The following FYB1 variants were observed in gnomAD, a reference collection of about 807,000 sequenced individuals.
The protein encoded by FYB1 is FYN-binding protein 1.
In FYB1, 41 loss-of-function variants were observed where a neutral mutation model predicts 94.1. The ratio of observed to expected loss-of-function variants is 0.44; its 90% CI spans 0.34 to 0.57. The LOEUF is 0.57. Among genes scored for constraint, FYB1 ranks in the 20% least tolerant of loss-of-function variants. The pLI is 0.02. For missense variants in FYB1, 1,050 were observed against 976.8 expected, an observed-to-expected ratio of 1.07 and a Z score of -1.00; for synonymous variants, 367 against 353.2, an observed-to-expected ratio of 1.04 and a Z score of -0.44.
chr5:39,106,844 A>T lies in FYB1; in HGVS notation c.*599T>A, dbSNP rs1760406799. 6.6e-6 allele frequency: 1 copy of T among 152,130 alleles called. No homozygotes were observed. The highest frequency in any genetic ancestry group is 2.1e-4 in the South Asian group (1 of 4,838). 9.4% of individuals were successfully genotyped at this position (152,130 alleles called of 1,614,324 possible). On this transcript the variant is annotated 3_prime_UTR_variant, in exon 19 of 19. Coordinates refer to ENST00000512982, the MANE Select transcript of FYB1 (RefSeq NM_001465.6). ...TTCGTATCAAATAATTAACATTTATATACAATTAACAAATAAGGACAAATT... is the reference window on the plus strand; with the variant it reads ...TTCGTATCAAATAATTAACATTTATTTACAATTAACAAATAAGGACAAATT...
At chr5:39,115,503 G>C (rs1739482263) in intron 16 of FYB1, among the ~76,000 whole-genome samples, 1 of 152,120 alleles carries the variant, frequency 6.6e-6, no homozygotes, top group East Asian at 1.9e-4. Flanking sequence ...ATGATAAAGA[G>C]TTTTATGTGC....
intron 1 of FYB1, among the ~76,000 whole-genome samples, chr5:39,264,994 G>T (rs549434462): frequency 6.6e-6 from 1 of 152,152 alleles, no homozygotes; most frequent in African/African-American, 2.4e-5. Flanking sequence ...TTCTCCAAGC[G>T]TGGGCCCTGG....
chr5:39,197,972 C>G (rs956628254), intron 2 of FYB1, among the ~76,000 whole-genome samples: 1 of 152,002 alleles, frequency 6.6e-6, no homozygotes, highest in African/African-American at 2.4e-5. Context: ...TTTCATGATT[C>G]CTAGAATAAT....
At chr5:39,113,364 C>A (rs1383520288) in intron 16 of FYB1, among the ~76,000 whole-genome samples, 3 of 152,032 alleles carry the variant, frequency 2.0e-5, no homozygotes, top group Non-Finnish European at 4.4e-5. Flanking sequence ...GCGGTCACAC[C>A]AGGGATTCTC....
At chr5:39,137,445 T>C (rs1051720670) in intron 7 of FYB1, 155 bp downstream of exon 7, 5 of 782,654 alleles carry the variant, frequency 6.4e-6, no homozygotes, top group African/African-American at 5.4e-5. Context: ...AAATGGTGTA[T>C]TGGACAAAAA....
At chr5:39,131,842 A>G (rs1489485235) in intron 9 of FYB1, among the ~76,000 whole-genome samples, 2 of 152,172 alleles carry the variant, frequency 1.3e-5, no homozygotes, top group African/African-American at 4.8e-5. Flanking sequence ...TGGAATAAGG[A>G]GCAAAGCTCC....
At chr5:39,231,087 CA>C (rs2150570885) in intron 1 of FYB1, among the ~76,000 whole-genome samples, 1 of 136,106 alleles carries the variant, frequency 7.3e-6, no homozygotes, top group South Asian at 2.4e-4. Context: ...AGCTATTAAT[CA>C]AGACATATTT....
intron 2 of FYB1, among the ~76,000 whole-genome samples, chr5:39,167,056 G>A (rs1369869007): frequency 3.3e-5 from 5 of 152,112 alleles, no homozygotes; most frequent in African/African-American, 9.7e-5. Context: ...TAAAGTTGGT[G>A]CAAAGGTAAT....
At chr5:39,241,464 C>T (rs1261280944) in intron 1 of FYB1, among the ~76,000 whole-genome samples, 3 of 152,120 alleles carry the variant, frequency 2.0e-5, no homozygotes, top group Admixed American at 6.6e-5. Context: ...TCAGCTTATT[C>T]CCCACCTTCC....
At position 39,215,791 on chromosome 5, in the gene FYB1, C is replaced by T. The variant is rs1054648581; in HGVS notation, c.-28+3652G>A. Among the ~76,000 whole-genome samples the T allele has an allele frequency of 3.3e-5, 5 of 152,042 alleles. No individual in the cohort carries two copies. The East Asian group carries it at 9.6e-4, about 29-fold the overall frequency. ...TTGGTTGCTTGTCTATAAATTATGC[C>T]CATGTATATGCCAAAAAGATACGCC... is the stretch of plus-strand genomic sequence containing the variant. On this transcript the variant is annotated intron_variant, in intron 1 of 18. Transcript: ENST00000512982.
chr5:39,234,222 G>A (rs778948927), intron 1 of FYB1, among the ~76,000 whole-genome samples: 1 of 152,014 alleles, frequency 6.6e-6, no homozygotes. Flanking sequence ...ATTCATCAAG[G>A]CTGTTTTTGT....
intron 4 of FYB1, among the ~76,000 whole-genome samples, chr5:39,140,837 G>C (rs886930051): frequency 2.0e-5 from 3 of 152,164 alleles, no homozygotes; most frequent in African/African-American, 7.2e-5. Context: ...CTAAATACAT[G>C]CATACATGTC....
At chr5:39,111,369 A>T (rs907876114) in intron 16 of FYB1, among the ~76,000 whole-genome samples, 11 of 151,940 alleles carry the variant, frequency 7.2e-5, no homozygotes, top group Non-Finnish European at 1.2e-4. Flanking sequence ...TTTAGTTCTG[A>T]ATCAAAGCAA....
chr5:39,107,353 T>C lies in FYB1; in HGVS notation c.*90A>G. 1 of 848,972 alleles carries C rather than the reference T, an allele frequency of 1.2e-6. No homozygotes were observed. The highest frequency in any genetic ancestry group is 3.1e-5 in the Admixed American group (1 of 32,018). 52.6% of individuals were successfully genotyped at this position (848,972 alleles called of 1,614,324 possible). ...AATGATAATAAGTGGTTTTGTGCAT[T>C]AATTTTCTTGATACCCAATAACATG... On this transcript the variant is annotated 3_prime_UTR_variant, in exon 19 of 19. Transcript: ENST00000512982.
intron 2 of FYB1, among the ~76,000 whole-genome samples, chr5:39,165,743 C>T (rs1744668966): frequency 1.3e-5 from 2 of 152,160 alleles, no homozygotes; most frequent in South Asian, 4.1e-4. Flanking sequence ...ATGCATCCAA[C>T]AAAGGACTCA....
rs371284620 is a variant in FYB1 at position 39,271,144 on chromosome 5, TTAA to T, written c.-28+3256_-28+3258del. ...AAAAGAGCAAAAGTATATGAAAATT[TTAA>T]TAAGCAACTCCAATTATATTTAAAT... On this transcript the variant is annotated intron_variant, in intron 1 of 1. Transcript: ENST00000510188. 9.1e-4 allele frequency among the ~76,000 whole-genome samples: 139 copies of T among 152,264 alleles called. 3 individuals are homozygous for T. The South Asian group carries it at 0.027, about 30-fold the overall frequency.
At chr5:39,244,524 C>T (rs962600174) in intron 1 of FYB1, among the ~76,000 whole-genome samples, 1 of 152,254 alleles carries the variant, frequency 6.6e-6, no homozygotes, top group African/African-American at 2.4e-5. Context: ...TTTTGATGTG[C>T]TGCTGGATTT....
rs920578479 is a variant in FYB1 at position 39,111,006 on chromosome 5, G to A, written c.2402-617C>T. Among the ~76,000 whole-genome samples the A allele has an allele frequency of 4.6e-5, 7 of 152,102 alleles. No homozygotes were observed. In the East Asian group the frequency reaches 1.4e-3, roughly 29 times the overall value. The stretch of plus-strand genomic sequence containing the variant: ...GCATTTCATCACTCATGGAGCAAAA[G>A]CATTATTGGAAGAGCACATACTATG... On this transcript the variant is annotated intron_variant, in intron 16 of 18. Transcript: ENST00000512982.
chr5:39,107,129 T>G lies in FYB1; in HGVS notation c.*314A>C. The G allele has an allele frequency of 5.2e-6, 1 of 192,346 alleles. No homozygotes were observed. Among genetic ancestry groups the G allele is most frequent in the Non-Finnish European group, 1.1e-5 (1 of 94,184 alleles). The allele number at this position is 192,346 out of a possible 1,614,324, so 11.9% of individuals were successfully genotyped here. A position where few individuals can be genotyped will look rare whatever the true frequency, so the allele number is the denominator to read the frequency against. On this transcript the variant is annotated 3_prime_UTR_variant, in exon 19 of 19. Coordinates refer to ENST00000512982, the MANE Select transcript of FYB1 (RefSeq NM_001465.6). ...TTTTCCTTTTTCTTTTATTTTTATT[T>G]TTTGAAGGAGGATTATTTACTGGTG...
Sources: gnomAD v4.1 joint callset for allele counts (sites outside exome capture counted in the v4.1 genomes callset) on GRCh38, gnomAD v4.1.1 for gene constraint, MANE v1.5 for transcripts, NCBI Gene and HGNC (gene_info 2026-07-23, HGNC 2026-07-21) for gene names.